SOCS2: variants seen among roughly 807,000 people sequenced by gnomAD.
SOCS2 encodes suppressor of cytokine signaling 2.
In SOCS2, 10 loss-of-function variants were observed where a neutral mutation model predicts 18.6. The ratio of observed to expected loss-of-function variants is 0.54; its 90% confidence interval spans 0.33 to 0.91. The LOEUF (loss-of-function observed/expected upper bound fraction) is 0.91, where lower values mean the gene tolerates loss of function less well. Ranked by LOEUF, SOCS2 falls within the 40% of genes least tolerant of loss-of-function variation. The pLI is 0.02. For synonymous variants in SOCS2, 104 were observed against 104.0 expected (o/e 1.00, Z 0.00); for missense variants, 231 against 247.2 (o/e 0.93, Z 0.44).
At chr12:93,590,963 C>T in the SOCS2 span, among the ~76,000 whole-genome samples, 2 of 151,930 alleles carry the variant, frequency 1.3e-5, no homozygotes. Context: ...TTTCTTTAAA[C>T]TTACTGGCTT....
At chr12:93,614,357 TTTTCCTTCTTTCTTTCTTTC>T in the SOCS2 span, among the ~76,000 whole-genome samples, 28 of 121,654 alleles carry the variant, frequency 2.3e-4, 3 homozygotes, top group African/African-American at 1.1e-3. Flanking sequence ...TATATAGCAA[TTTTCCTTCTTTCTTTCTTTC>T]TTTCTTTCTT....
At chr12:93,621,478 TA>T in the SOCS2 span, among the ~76,000 whole-genome samples, 1 of 152,092 alleles carries the variant, frequency 6.6e-6, no homozygotes, top group Non-Finnish European at 1.5e-5. Flanking sequence ...CAAGGTTACT[TA>T]ACTTCTCTCT....
chr12:93,573,253 G>A, intron 1 of SOCS2: 1 of 620,522 alleles, frequency 1.6e-6, no homozygotes, highest in Non-Finnish European at 2.8e-6. Context: ...CGCAGAGCGC[G>A]GGAAGAGCTT....
downstream of SOCS2, among the ~76,000 whole-genome samples, chr12:93,581,666 C>CT (rs1010188047): frequency 6.6e-5 from 10 of 151,376 alleles, no homozygotes; most frequent in South Asian, 6.3e-4. Flanking sequence ...TTAGTTTTCT[C>CT]TTTTTTTTTC....
chr12:93,604,102 C>G, the SOCS2 span, among the ~76,000 whole-genome samples: 1 of 152,024 alleles, frequency 6.6e-6, no homozygotes, highest in Admixed American at 6.6e-5. Flanking sequence ...TGGCCTCTTC[C>G]TGGTGAGTCC....
At chr12:93,599,497 T>G in the SOCS2 span, among the ~76,000 whole-genome samples, 1 of 152,188 alleles carries the variant, frequency 6.6e-6, no homozygotes, top group Non-Finnish European at 1.5e-5. Context: ...TTTCTTTACA[T>G]ATTCCAGGTA....
downstream of SOCS2, among the ~76,000 whole-genome samples, chr12:93,577,526 T>A (rs1321780048): frequency 6.6e-6 from 1 of 152,064 alleles, no homozygotes; most frequent in African/African-American, 2.4e-5. Context: ...CTCTTTTTTT[T>A]TTTTTTTTCC....
At chr12:93,579,138 T>C (rs1954504489), downstream of SOCS2, among the ~76,000 whole-genome samples, 1 of 152,238 alleles carries the variant, frequency 6.6e-6, no homozygotes, top group Non-Finnish European at 1.5e-5. Context: ...CCACAATGCC[T>C]GGGCGACTGC....
At chr12:93,604,670 GT>G in the SOCS2 span, among the ~76,000 whole-genome samples, 3 of 151,882 alleles carry the variant, frequency 2.0e-5, no homozygotes, top group Admixed American at 1.3e-4. Context: ...ATTTATTTAT[GT>G]TTTTTTGAGA....
chr12:93,623,192 A>C, the SOCS2 span, among the ~76,000 whole-genome samples: 1 of 152,014 alleles, frequency 6.6e-6, no homozygotes, highest in Non-Finnish European at 1.5e-5. Context: ...ATAGTGAGGG[A>C]GTTCTCACGA....
the SOCS2 span, among the ~76,000 whole-genome samples, chr12:93,618,700 G>A: frequency 6.6e-6 from 1 of 152,302 alleles, no homozygotes; most frequent in East Asian, 1.9e-4. Context: ...ATTCCCTCGA[G>A]TAGCCCCTCT....
At chr12:93,581,146 G>C (rs1014338325), downstream of SOCS2, among the ~76,000 whole-genome samples, 1 of 152,198 alleles carries the variant, frequency 6.6e-6, no homozygotes, top group African/African-American at 2.4e-5. Flanking sequence ...ACTAAAAACT[G>C]AGAGATTTTG....
downstream of SOCS2, among the ~76,000 whole-genome samples, chr12:93,578,694 A>ACG (rs1954498598): frequency 6.6e-6 from 1 of 151,804 alleles, no homozygotes; most frequent in African/African-American, 2.4e-5. Flanking sequence ...ACACACACAC[A>ACG]CACACACACA....
chr12:93,574,392 A>AGTGTCATGCTTCATCAGCCAGT (rs1474164193), intron 1 of SOCS2: 2 of 187,730 alleles, frequency 1.1e-5, no homozygotes, highest in Non-Finnish European at 2.2e-5. Context: ...TAATGTTAAA[A>AGTGTCATGCTTCATCAGCCAGT]GTGTCATGCT....
the SOCS2 span, among the ~76,000 whole-genome samples, chr12:93,589,543 CTT>C: frequency 1.3e-5 from 2 of 152,086 alleles, no homozygotes; most frequent in African/African-American, 4.8e-5. Context: ...TCCCCATTCC[CTT>C]TTTTTGTTTG....
chr12:93,624,611 A>T, the SOCS2 span, among the ~76,000 whole-genome samples: 10 of 152,092 alleles, frequency 6.6e-5, no homozygotes, highest in African/African-American at 2.4e-4. Context: ...ACCAGTTCTT[A>T]GGTGTTTTGT....
chr12:93,618,179 G>GT, the SOCS2 span, among the ~76,000 whole-genome samples: 2 of 152,106 alleles, frequency 1.3e-5, no homozygotes, highest in Non-Finnish European at 2.9e-5. Context: ...CGCCATGATT[G>GT]TAAGTTTCCT....
At chr12:93,571,662 C>T, upstream of SOCS2, 1 of 243,384 alleles carries the variant, frequency 4.1e-6, no homozygotes, top group South Asian at 3.3e-5. Flanking sequence ...GGGATGGGGT[C>T]GAGGCAATGA....
the SOCS2 span, among the ~76,000 whole-genome samples, chr12:93,602,153 C>T: frequency 0.021 from 3,156 of 152,186 alleles, 110 homozygotes; most frequent in African/African-American, 0.071. Context: ...AGTGCAGTGG[C>T]GCGATCACAG....
Sources: gnomAD v4.1 joint callset for allele counts (sites outside exome capture counted in the v4.1 genomes callset) on GRCh38, gnomAD v4.1.1 for gene constraint, MANE v1.5 for transcripts, NCBI Gene and HGNC (gene_info 2026-07-23, HGNC 2026-07-21) for gene names.